The following CELF2 variants were observed in gnomAD, a reference collection of about 807,000 sequenced individuals.
The protein encoded by CELF2 is CUG triplet repeat RNA-binding protein 2.
Under a neutral mutation model 62.6 loss-of-function variants are expected in CELF2, and 8 were observed. The ratio of observed to expected loss-of-function variants is 0.13; its 90% CI spans 0.07 to 0.23. CELF2 has a LOEUF of 0.23. CELF2 is among the 10% of genes least tolerant of loss of function. The pLI is 1.00. For synonymous variants in CELF2, 258 were observed against 250.0 expected (o/e 1.03, Z -0.30); for missense variants, 333 against 671.0 (o/e 0.50, Z 5.56).
intron 1 of CELF2, chr10:11,071,509 C>T (rs913887757): frequency 2.0e-5 from 3 of 152,166 alleles, no homozygotes; most frequent in South Asian, 2.1e-4. Context: ...AAGATAACAT[C>T]GCAGTTGAAA....
At chr10:10,624,172 T>C in the CELF2 span, among the ~76,000 whole-genome samples, 1 of 152,218 alleles carries the variant, frequency 6.6e-6, no homozygotes, top group Non-Finnish European at 1.5e-5. Flanking sequence ...CTCCGTGGCC[T>C]CCGCTTCATT....
chr10:11,034,147 C>G (rs913867291), intron 1 of CELF2, among the ~76,000 whole-genome samples: 2 of 152,056 alleles, frequency 1.3e-5, no homozygotes, highest in African/African-American at 4.8e-5. Flanking sequence ...GGGCTTTTGT[C>G]CTGTTGACTT....
At chr10:11,017,643 C>A (rs1023364652), upstream of CELF2, among the ~76,000 whole-genome samples, 12 of 152,086 alleles carry the variant, frequency 7.9e-5, no homozygotes, top group Admixed American at 7.2e-4. This position sits in a 1 kb window ranked among gnomAD's most constrained non-coding sequence, Gnocchi z 5.5. Flanking sequence ...CTACTCCGAG[C>A]GGCCACGGCG....
chr10:11,011,659 G>A lies in CELF2; in HGVS notation c.53+6219G>A, dbSNP rs1008058678. The stretch of plus-strand genomic sequence containing the variant: ...ACATGACACTTTGTACTCAGCGATA[G>A]TGGTAGGACAAGATAGAACATACTC... On this transcript the variant is annotated intron_variant, in intron 1 of 12. Coordinates refer to the CELF2 transcript ENST00000416382. This position sits in a 1 kb window ranked among gnomAD's most constrained non-coding sequence, Gnocchi z 4.6. Among the ~76,000 whole-genome samples the A allele has an allele frequency of 1.5e-5, 2 of 131,136 alleles. No homozygotes were observed. Among genetic ancestry groups the A allele is most frequent in the South Asian group, 4.2e-4 (2 of 4,766 alleles). The allele number at this position is 131,136 out of a possible 152,430, so 86.0% of individuals were successfully genotyped here. A position where few individuals can be genotyped will look rare whatever the true frequency, so the allele number is the denominator to read the frequency against.
the CELF2 span, among the ~76,000 whole-genome samples, chr10:10,650,522 G>A: frequency 7.3e-6 from 1 of 136,664 alleles, no homozygotes; most frequent in Non-Finnish European, 1.6e-5. Flanking sequence ...TGAATTATAA[G>A]AGCAAAAAAT....
chr10:10,496,733 C>T, the CELF2 span, among the ~76,000 whole-genome samples: 1 of 152,120 alleles, frequency 6.6e-6, no homozygotes, highest in Non-Finnish European at 1.5e-5. Flanking sequence ...ACACTGTACC[C>T]TTGTATCTCT....
the CELF2 span, among the ~76,000 whole-genome samples, chr10:10,705,545 G>A: frequency 6.6e-6 from 1 of 152,012 alleles, no homozygotes; most frequent in Non-Finnish European, 1.5e-5. Context: ...AAAATTATAC[G>A]CAAAAATCTA....
At chr10:10,742,987 G>A in the CELF2 span, among the ~76,000 whole-genome samples, 1 of 152,154 alleles carries the variant, frequency 6.6e-6, no homozygotes, top group South Asian at 2.1e-4. Flanking sequence ...TGCTTTCCTG[G>A]TATCTCATTG....
At chr10:10,573,390 C>T in the CELF2 span, among the ~76,000 whole-genome samples, 7 of 152,124 alleles carry the variant, frequency 4.6e-5, 1 homozygote, top group Admixed American at 3.9e-4. Context: ...TTGCTGCAAT[C>T]GTTTTGGTGA....
At chr10:10,755,577 G>A in the CELF2 span, among the ~76,000 whole-genome samples, 1 of 152,210 alleles carries the variant, frequency 6.6e-6, no homozygotes, top group Admixed American at 6.5e-5. Flanking sequence ...TACGACAGGT[G>A]CACAGGACAA....
chr10:11,158,459 G>A (rs572208371), intron 1 of CELF2, among the ~76,000 whole-genome samples: 4 of 152,098 alleles, frequency 2.6e-5, no homozygotes, highest in Non-Finnish European at 2.9e-5. Flanking sequence ...CTGTGCAAAC[G>A]CCTCCTGCTT....
Position 10,990,296 on chromosome 10 carries a change from G to C in CELF2, c.89+70297G>C, listed in dbSNP as rs2053284862. Among the ~76,000 whole-genome samples the C allele has an allele frequency of 6.6e-6, 1 of 151,768 alleles. No individual in the cohort carries two copies. The stretch of plus-strand genomic sequence containing the variant: ...TTGTATAAAAAGGATTAAAAATTCT[G>C]ATCAATACAACCACAGTTTTATATA... On this transcript the variant is annotated intron_variant, in intron 2 of 13. Transcript: ENST00000636488. This position sits in a 1 kb window ranked among gnomAD's most constrained non-coding sequence, Gnocchi z 4.6.
chr10:10,585,882 A>G, the CELF2 span, among the ~76,000 whole-genome samples: 1 of 152,324 alleles, frequency 6.6e-6, no homozygotes, highest in African/African-American at 2.4e-5. Flanking sequence ...GTTTACATAC[A>G]TTGTAGAGAG....
intron 1 of CELF2, among the ~76,000 whole-genome samples, chr10:11,073,501 C>T (rs1240268083): frequency 6.6e-6 from 1 of 152,174 alleles, no homozygotes; most frequent in Non-Finnish European, 1.5e-5. Context: ...TTGTTCATAT[C>T]CAGGCTTAAT....
rs112510658 is a variant in CELF2, at chr10:11,300,209, C to A, written c.976+11657C>A. Among the ~76,000 whole-genome samples, 1 of 152,180 alleles carries A rather than the reference C, an allele frequency of 6.6e-6. No homozygotes were observed. The highest frequency in any genetic ancestry group is 2.4e-5 in the African/African-American group (1 of 41,446). ...GTGGAAACAGGACAGCTGCTTTGGA[C>A]GTGAGGAGCAGGTGCTGGCCCCTCA... is the stretch of plus-strand genomic sequence containing the variant. On this transcript the variant is annotated intron_variant, in intron 9 of 12. Transcript: ENST00000633077. This position sits in a 1 kb window ranked among gnomAD's most constrained non-coding sequence, Gnocchi z 5.5.
At chr10:10,585,364 C>T in the CELF2 span, among the ~76,000 whole-genome samples, 47,948 of 151,878 alleles carry the variant, frequency 0.32, 7,969 homozygotes, top group East Asian at 0.6. Flanking sequence ...ACTTGGCTTC[C>T]GTTATCTTTC....
chr10:10,600,153 G>T, the CELF2 span, among the ~76,000 whole-genome samples: 1 of 152,370 alleles, frequency 6.6e-6, no homozygotes, highest in Non-Finnish European at 1.5e-5. Flanking sequence ...CTGTCCTCAG[G>T]AAAGTGCAGA....
At chr10:10,843,011 G>A (rs2058781362) in intron 1 of CELF2, among the ~76,000 whole-genome samples, 1 of 151,932 alleles carries the variant, frequency 6.6e-6, no homozygotes, top group Admixed American at 6.6e-5. Context: ...TTCTCCTGTA[G>A]GTTTTGGTAG....
At chr10:10,944,512 T>C (rs1297933098) in intron 2 of CELF2, among the ~76,000 whole-genome samples, 1 of 152,178 alleles carries the variant, frequency 6.6e-6, no homozygotes, top group Non-Finnish European at 1.5e-5. Context: ...TCATTTCATT[T>C]AAGAAGCTCA....
Sources: gnomAD v4.1 joint callset for allele counts (sites outside exome capture counted in the v4.1 genomes callset) on GRCh38, gnomAD v4.1.1 for gene constraint, Gnocchi (gnomAD v3.1) non-coding constraint, MANE v1.5 for transcripts, NCBI Gene and HGNC (gene_info 2026-07-23, HGNC 2026-07-21) for gene names.